The following PLXDC2 variants were observed in gnomAD, a reference collection of about 807,000 sequenced individuals.
PLXDC2 encodes plexin domain containing 2, also known as plexin domain-containing protein 2.
In PLXDC2, 40 loss-of-function variants were observed where a neutral mutation model predicts 68.9. The ratio of observed to expected loss-of-function variants is 0.58; its 90% CI spans 0.45 to 0.76. The LOEUF is 0.76. Ranked by LOEUF, PLXDC2 falls within the 30% of genes least tolerant of loss-of-function variation. The pLI is 0.00. For missense variants in PLXDC2, 644 were observed against 661.9 expected, an observed-to-expected ratio of 0.97 and a Z score of 0.30; for synonymous variants, 243 against 234.2, an observed-to-expected ratio of 1.04 and a Z score of -0.34.
chr10:20,170,253 C>T (rs1020136944), intron 7 of PLXDC2, among the ~76,000 whole-genome samples: 2 of 152,076 alleles, frequency 1.3e-5, no homozygotes, highest in Admixed American at 6.5e-5. Context: ...TACAGTGGGA[C>T]GATCTTGGCT....
intron 9 of PLXDC2, among the ~76,000 whole-genome samples, chr10:20,190,149 A>T (rs1589672678): frequency 6.6e-6 from 1 of 151,912 alleles, no homozygotes. Context: ...AGTTTTGTTT[A>T]TATGTTAACC....
chr10:19,983,227 T>C (rs1464381348), intron 1 of PLXDC2, among the ~76,000 whole-genome samples: 1 of 152,206 alleles, frequency 6.6e-6, no homozygotes, highest in African/African-American at 2.4e-5. Context: ...AGCAATCAGG[T>C]CTGCAGTGAG....
At chr10:20,187,812 A>T (rs1332520547) in intron 9 of PLXDC2, among the ~76,000 whole-genome samples, 1 of 151,944 alleles carries the variant, frequency 6.6e-6, no homozygotes, top group African/African-American at 2.4e-5. Context: ...ATTTTCTTAC[A>T]GAAATATTAA....
chr10:19,892,938 T>G (rs76115870), intron 1 of PLXDC2, among the ~76,000 whole-genome samples: 3 of 148,710 alleles, frequency 2.0e-5, no homozygotes, highest in African/African-American at 7.7e-5. Context: ...TTTTTTTTTT[T>G]GCCACTGTTA....
intron 7 of PLXDC2, among the ~76,000 whole-genome samples, chr10:20,166,908 A>T (rs1236823300): frequency 6.6e-6 from 1 of 152,184 alleles, no homozygotes; most frequent in Non-Finnish European, 1.5e-5. Flanking sequence ...ATCTCATTTA[A>T]TAAATTGGCA....
At chr10:20,217,363 TG>T in intron 10 of PLXDC2, 62 bp from the exon 11 acceptor site, 1 of 1,444,748 alleles carries the variant, frequency 6.9e-7, no homozygotes, top group Non-Finnish European at 9.4e-7. Context: ...GCTTCTTTGA[TG>T]TAAGTTCTAA....
intron 1 of PLXDC2, among the ~76,000 whole-genome samples, chr10:19,844,202 A>T (rs1017419718): frequency 6.6e-6 from 1 of 152,234 alleles, no homozygotes; most frequent in South Asian, 2.1e-4. Context: ...GTGACTGTGA[A>T]GAGCGAAAGT....
intron 1 of PLXDC2, among the ~76,000 whole-genome samples, chr10:20,000,916 A>G (rs991851487): frequency 1.3e-5 from 2 of 152,188 alleles, no homozygotes; most frequent in African/African-American, 2.4e-5. Context: ...TGAATTTCCA[A>G]TACTTGTGGC....
intron 1 of PLXDC2, among the ~76,000 whole-genome samples, chr10:19,859,378 T>A (rs1589504664): frequency 6.6e-6 from 1 of 152,192 alleles, no homozygotes; most frequent in Non-Finnish European, 1.5e-5. Context: ...ATGCTTTACA[T>A]CCTTTCCTTG....
chr10:20,260,077 A>G (rs963276452), intron 13 of PLXDC2, among the ~76,000 whole-genome samples: 9 of 152,184 alleles, frequency 5.9e-5, no homozygotes, highest in African/African-American at 2.2e-4. Flanking sequence ...TATAAATTGT[A>G]TATATTTAAG....
chr10:20,055,331 A>G (rs982039237), intron 3 of PLXDC2, among the ~76,000 whole-genome samples: 1 of 152,132 alleles, frequency 6.6e-6, no homozygotes, highest in Non-Finnish European at 1.5e-5. Flanking sequence ...TCATATTTGC[A>G]TAATGTTTAT....
intron 7 of PLXDC2, among the ~76,000 whole-genome samples, chr10:20,167,925 C>T (rs1054114821): frequency 7.9e-5 from 12 of 152,072 alleles, no homozygotes; most frequent in African/African-American, 2.7e-4. Context: ...ACATCAACAA[C>T]AAAACACTTG....
chr10:20,017,468 T>G (rs1835232527), intron 2 of PLXDC2, among the ~76,000 whole-genome samples: 1 of 152,218 alleles, frequency 6.6e-6, no homozygotes, highest in South Asian at 2.1e-4. Context: ...AATCTGAAAT[T>G]TCTCTTTCCA....
intron 6 of PLXDC2, among the ~76,000 whole-genome samples, chr10:20,162,071 A>AGAAGGAAGGAAGGAAGGAAG (rs1181393820): frequency 2.2e-5 from 1 of 44,882 alleles, no homozygotes; most frequent in African/African-American, 8.3e-5. Context: ...AGAGAGAGAG[A>AGAAGGAAGGAAGGAAGGAAG]GAAGGAAGGA....
At chr10:19,821,801 A>G (rs1033684155) in intron 1 of PLXDC2, among the ~76,000 whole-genome samples, 21 of 152,216 alleles carry the variant, frequency 1.4e-4, no homozygotes, top group East Asian at 7.7e-4. Context: ...CTATCCTTCT[A>G]CTATTAGGTG....
rs2119405780 is a variant in PLXDC2 at position 20,284,263 on chromosome 10, G to C, written c.*4444G>C. ...TATCAGCGTCATATGCCAGAGTCATGGCAGATCCAGCCTGGACAACATAGT... is the reference window on the plus strand; with the variant it reads ...TATCAGCGTCATATGCCAGAGTCATCGCAGATCCAGCCTGGACAACATAGT... On this transcript the variant is annotated 3_prime_UTR_variant, in exon 14 of 14. Transcript: ENST00000377252. The C allele has an allele frequency of 6.7e-6, 1 of 149,500 alleles. No individual in the cohort carries two copies. The highest frequency in any genetic ancestry group is 2.1e-4 in the South Asian group (1 of 4,736). The allele number at this position is 149,500 out of a possible 1,614,324, so 9.3% of individuals were successfully genotyped here. A position where few individuals can be genotyped will look rare whatever the true frequency, so the allele number is the denominator to read the frequency against.
intron 1 of PLXDC2, among the ~76,000 whole-genome samples, chr10:19,952,635 A>G (rs1165111408): frequency 6.6e-6 from 1 of 152,242 alleles, no homozygotes; most frequent in Non-Finnish European, 1.5e-5. Flanking sequence ...GAGAATATAC[A>G]GAGAAATGTT....
chr10:19,851,577 GC>G (rs1210682493), intron 1 of PLXDC2, among the ~76,000 whole-genome samples: 1 of 151,920 alleles, frequency 6.6e-6, no homozygotes, highest in African/African-American at 2.4e-5. Context: ...ACAGAGTCTC[GC>G]TCTGTTACCC....
chr10:20,089,003 C>G (rs1833238382), intron 4 of PLXDC2, among the ~76,000 whole-genome samples: 1 of 152,132 alleles, frequency 6.6e-6, no homozygotes, highest in Non-Finnish European at 1.5e-5. Flanking sequence ...GAAACTCATT[C>G]CAGCATCTGT....
Sources: gnomAD v4.1 joint callset for allele counts (sites outside exome capture counted in the v4.1 genomes callset) on GRCh38, gnomAD v4.1.1 for gene constraint, MANE v1.5 for transcripts, NCBI Gene and HGNC (gene_info 2026-07-23, HGNC 2026-07-21) for gene names.